Variants in HTR4 observed in about 807,000 individuals in gnomAD.
HTR4 encodes 5-hydroxytryptamine (serotonin) receptor 4, G protein-coupled.
HTR4 carries 16 observed loss-of-function variants against 36.8 expected under a neutral mutation model. That is an observed-to-expected ratio of 0.43 (90% CI 0.29 to 0.66). HTR4 has a LOEUF of 0.66. HTR4 is among the 30% of genes least tolerant of loss of function. HTR4 has a pLI of 0.13. For missense variants in HTR4, 438 were observed against 490.9 expected, an observed-to-expected ratio of 0.89 and a Z score of 1.02; for synonymous variants, 189 against 185.1, an observed-to-expected ratio of 1.02 and a Z score of -0.17.
intron 2 of HTR4, among the ~76,000 whole-genome samples, chr5:148,592,105 G>A (rs12514680): frequency 0.12 from 18,506 of 152,134 alleles, 1,217 homozygotes; most frequent in African/African-American, 0.15. Flanking sequence ...AAAGCTGGAG[G>A]CCATTATCCT....
rs140157900 is a variant in HTR4, at chr5:148,501,534, A to G, written c.1076+7922T>C. ...TTGTGTTAAGTTAAAACAATTGATC[A>G]GAAGAATTAATTTTAGAATTTGTTA... On this transcript the variant is annotated intron_variant, in intron 6 of 6. Coordinates refer to ENST00000377888, the MANE Select transcript of HTR4 (RefSeq NM_000870.7). Among the ~76,000 whole-genome samples, 1,456 of 152,372 alleles carry G rather than the reference A, an allele frequency of 9.6e-3. 17 individuals are homozygous for G. Among genetic ancestry groups the G allele is most frequent in the Middle Eastern group, 0.048 (14 of 294 alleles).
chr5:148,550,068 C>T (rs1453959816), intron 3 of HTR4, 69 bp downstream of exon 3: 8 of 1,496,616 alleles, frequency 5.3e-6, no homozygotes, highest in Non-Finnish European at 6.4e-6. Flanking sequence ...TAGAAATGTT[C>T]ACACCCAACT....
chr5:148,611,970 A>G (rs929020007), intron 2 of HTR4, among the ~76,000 whole-genome samples: 8 of 152,344 alleles, frequency 5.3e-5, no homozygotes, highest in African/African-American at 1.9e-4. Flanking sequence ...TTCAACAAGA[A>G]GAGCTAACTA....
chr5:148,476,500 T>G, downstream of HTR4: 1 of 1,166,466 alleles, frequency 8.6e-7, no homozygotes, highest in South Asian at 3.0e-5. Context: ...TTTTCTCTTA[T>G]CAGAAGGCTG....
At chr5:148,600,976 CAAAAAAA>C (rs58003522) in intron 2 of HTR4, among the ~76,000 whole-genome samples, 4 of 13,548 alleles carry the variant, frequency 3.0e-4, no homozygotes, top group African/African-American at 7.8e-4. Flanking sequence ...AACTCAATAG[CAAAAAAA>C]AAAAAAAAAA....
intron 2 of HTR4, among the ~76,000 whole-genome samples, chr5:148,599,961 G>A (rs916253349): frequency 4.0e-5 from 6 of 150,954 alleles, no homozygotes; most frequent in Non-Finnish European, 7.4e-5. Flanking sequence ...AGGAGAAAAA[G>A]CAATAATAAA....
intron 2 of HTR4, among the ~76,000 whole-genome samples, chr5:148,617,360 T>C (rs74792352): frequency 6.6e-6 from 1 of 152,224 alleles, no homozygotes; most frequent in Non-Finnish European, 1.5e-5. Context: ...ATGAGCCAAC[T>C]AAACCTCTTT....
chr5:148,559,068 A>T (rs1760078702), intron 2 of HTR4, among the ~76,000 whole-genome samples: 1 of 152,234 alleles, frequency 6.6e-6, no homozygotes, highest in Admixed American at 6.5e-5. Flanking sequence ...GTCATCTGGC[A>T]GCAGACTACT....
intron 2 of HTR4, among the ~76,000 whole-genome samples, chr5:148,580,187 G>C (rs1761079673): frequency 6.6e-6 from 1 of 152,028 alleles, no homozygotes; most frequent in Non-Finnish European, 1.5e-5. Context: ...AACAAAAAAA[G>C]CTTCCAAGTA....
chr5:148,591,043 G>T (rs530647618), intron 2 of HTR4, among the ~76,000 whole-genome samples: 1 of 152,054 alleles, frequency 6.6e-6, no homozygotes, highest in Non-Finnish European at 1.5e-5. Flanking sequence ...AATCTTCTGC[G>T]TATGGCTAGC....
intron 6 of HTR4, among the ~76,000 whole-genome samples, chr5:148,484,688 C>A (rs894015972): frequency 6.6e-6 from 1 of 152,156 alleles, no homozygotes; most frequent in Non-Finnish European, 1.5e-5. Flanking sequence ...AGTTGGAAGT[C>A]TATTCTTATT....
chr5:148,644,782 T>C (rs1753832795), intron 1 of HTR4: 1 of 152,034 alleles, frequency 6.6e-6, no homozygotes. Flanking sequence ...CACCCCCAAT[T>C]TATTGTGCTT....
chr5:148,543,567 A>G (rs1054093824), intron 4 of HTR4, among the ~76,000 whole-genome samples: 2 of 152,234 alleles, frequency 1.3e-5, no homozygotes, highest in Non-Finnish European at 2.9e-5. Flanking sequence ...CTTATTACAT[A>G]TGAAATCACT....
chr5:148,497,690 A>C (rs1226068327), intron 6 of HTR4, among the ~76,000 whole-genome samples: 5 of 152,232 alleles, frequency 3.3e-5, no homozygotes, highest in African/African-American at 9.6e-5. Context: ...GGGAAAACAC[A>C]GCTGCAGAAC....
In HTR4 at chr5:148,608,821, T is replaced by C. The variant is rs1023910725; in HGVS notation, c.26+28168A>G. 5.3e-5 allele frequency among the ~76,000 whole-genome samples: 8 copies of C among 152,272 alleles called. No individual in the cohort carries two copies. In the East Asian group the frequency reaches 1.2e-3, roughly 22 times the overall value. On this transcript the variant is annotated intron_variant, in intron 2 of 6. Transcript: ENST00000377888. ...GATGATACTGTTCTAAATCAAGCCA[T>C]TGTCAGAGAGATGTAAAAGAATTTC...
At position 148,509,980 on chromosome 5, in the gene HTR4, A is replaced by G; in HGVS notation, c.552T>C (p.Cys184=). Residue 184 remains cysteine, a synonymous_variant, in exon 6 of 7, where the codon TGT becomes TGC. Coordinates refer to ENST00000377888, the MANE Select transcript of HTR4 (RefSeq NM_000870.7). ...CGTAGGGCTTGTTGACCATGAAGAC[A>G]CAGTACGTAGAGTTAGAGTTCTGGT... ...KFNQNSNSTY[C]VFMVNKPYAI... is the part of the protein sequence containing the mutation. The G allele has an allele frequency of 1.2e-6, 2 of 1,613,802 alleles. No individual in the cohort carries two copies. The highest frequency in any genetic ancestry group is 1.7e-5 in the Admixed American group (1 of 59,972).
intron 2 of HTR4, among the ~76,000 whole-genome samples, chr5:148,581,255 T>A (rs1013428060): frequency 6.6e-6 from 1 of 152,086 alleles, no homozygotes; most frequent in Non-Finnish European, 1.5e-5. Context: ...TAATGCATTA[T>A]CAGAAATATG....
intron 5 of HTR4, among the ~76,000 whole-genome samples, chr5:148,459,425 C>G (rs1473248536): frequency 6.6e-6 from 1 of 152,102 alleles, no homozygotes; most frequent in Non-Finnish European, 1.5e-5. Flanking sequence ...AAATATGTAG[C>G]AAGCCTAACC....
chr5:148,484,445 A>G, intron 6 of HTR4: 2 of 1,468,716 alleles, frequency 1.4e-6, no homozygotes, highest in Non-Finnish European at 1.9e-6. Context: ...TACACAAGCT[A>G]TGAGTCTATG....
Sources: allele counts gnomAD v4.1 joint callset (sites outside exome capture counted in the v4.1 genomes callset), GRCh38; gene constraint gnomAD v4.1.1; transcripts MANE v1.5; gene names NCBI Gene and HGNC (gene_info 2026-07-23, HGNC 2026-07-21).